Variants in HRH1 observed in about 807,000 individuals in gnomAD.
HRH1 encodes the protein histamine receptor H1.
Under a neutral mutation model 10.3 loss-of-function variants are expected in HRH1, and 6 were observed. The ratio of observed to expected loss-of-function variants is 0.58; its 90% CI spans 0.32 to 1.15. HRH1 has a LOEUF of 1.15. HRH1 is among the 50% of genes most tolerant of loss of function. The pLI, the probability that HRH1 is intolerant of heterozygous loss-of-function variation, is 0.05. For synonymous variants in HRH1, 242 were observed against 236.7 expected, an observed-to-expected ratio of 1.02 and a Z score of -0.21; for missense variants, 514 against 615.3, an observed-to-expected ratio of 0.84 and a Z score of 1.74.
chr3:11,228,816 C>T (rs561620172), intron 1 of HRH1, among the ~76,000 whole-genome samples: 4 of 150,922 alleles, frequency 2.7e-5, no homozygotes, highest in South Asian at 2.1e-4. Context: ...CGGGAGGCTG[C>T]GACAGGAGAA....
intron 1 of HRH1, among the ~76,000 whole-genome samples, chr3:11,155,247 C>T (rs1354179926): frequency 6.6e-6 from 1 of 152,166 alleles, no homozygotes; most frequent in East Asian, 1.9e-4. Context: ...GGCGGATCAC[C>T]TCCTCCTCGT....
chr3:11,160,312 C>A (rs2125008040), intron 1 of HRH1, among the ~76,000 whole-genome samples: 1 of 152,242 alleles, frequency 6.6e-6, no homozygotes, highest in South Asian at 2.1e-4. Flanking sequence ...TGGAATCTTG[C>A]CTCAGTCCTC....
At chr3:11,175,194 C>T (rs780024535) in intron 1 of HRH1, among the ~76,000 whole-genome samples, 12 of 152,182 alleles carry the variant, frequency 7.9e-5, no homozygotes, top group Non-Finnish European at 1.6e-4. Flanking sequence ...GCAGCTTCTG[C>T]TATTGAGCAC....
At chr3:11,254,252 T>C (rs1007154201) in intron 1 of HRH1, among the ~76,000 whole-genome samples, 32 of 152,218 alleles carry the variant, frequency 2.1e-4, no homozygotes, top group African/African-American at 7.7e-4. Context: ...CTAGAGATTT[T>C]TCACACTCTT....
At chr3:11,255,739 G>A (rs1003011080) in intron 1 of HRH1, among the ~76,000 whole-genome samples, 4 of 152,198 alleles carry the variant, frequency 2.6e-5, no homozygotes, top group Admixed American at 1.3e-4. Flanking sequence ...GAAGATAAGA[G>A]ACAGATGGTT....
chr3:11,210,033 G>T (rs373883144), intron 1 of HRH1, among the ~76,000 whole-genome samples: 1 of 152,210 alleles, frequency 6.6e-6, no homozygotes, highest in African/African-American at 2.4e-5. Context: ...AATGACTTAA[G>T]TTTGAATTCC....
intron 1 of HRH1, among the ~76,000 whole-genome samples, chr3:11,157,582 C>G (rs1936836929): frequency 6.6e-6 from 1 of 152,216 alleles, no homozygotes; most frequent in South Asian, 2.1e-4. Context: ...GACGCATACT[C>G]TTCGGGAGCA....
chr3:11,223,183 CAAAAAAAAA>C (rs58149660), intron 1 of HRH1, among the ~76,000 whole-genome samples: 31 of 26,784 alleles, frequency 1.2e-3, no homozygotes, highest in Non-Finnish European at 1.5e-3. Context: ...GACTTCGTCT[CAAAAAAAAA>C]AAAAAAAAAA....
chr3:11,178,387 A>G (rs1222915160), intron 1 of HRH1, among the ~76,000 whole-genome samples: 1 of 152,068 alleles, frequency 6.6e-6, no homozygotes. Flanking sequence ...CAGGCCCCTT[A>G]TTTCCCCGTT....
At chr3:11,234,383 T>G (rs1939118580) in intron 1 of HRH1, 4 of 1,604,038 alleles carry the variant, frequency 2.5e-6, no homozygotes, top group Admixed American at 1.7e-5. Flanking sequence ...GTCTGGGTAT[T>G]TCTGCAGGCA....
rs1939965108 is a variant in HRH1 at position 11,261,825 on chromosome 3, A to G, written c.*1324A>G. The G allele has an allele frequency of 1.2e-5, 2 of 161,772 alleles. No homozygotes were observed. The highest frequency in any genetic ancestry group is 4.2e-4 in the South Asian group (2 of 4,818). 10.0% of individuals were successfully genotyped at this position (161,772 alleles called of 1,614,324 possible). ...GCACTCCAGCCTGGGCAACAGAGCAAGACTCTGTCTCAAAAAAAAAAATAC... is the reference window on the plus strand; with the variant it reads ...GCACTCCAGCCTGGGCAACAGAGCAGGACTCTGTCTCAAAAAAAAAAATAC... On this transcript the variant is annotated 3_prime_UTR_variant, in exon 2 of 2. Transcript: ENST00000431010.
intron 1 of HRH1, among the ~76,000 whole-genome samples, chr3:11,247,210 T>C (rs1413273695): frequency 6.6e-6 from 1 of 151,970 alleles, no homozygotes; most frequent in African/African-American, 2.4e-5. Context: ...TAATCCCAGC[T>C]ACTTGGGAGG....
upstream of HRH1, among the ~76,000 whole-genome samples, chr3:11,151,002 C>T (rs944372212): frequency 6.6e-6 from 1 of 152,212 alleles, no homozygotes; most frequent in African/African-American, 2.4e-5. Flanking sequence ...CTAATAGCAC[C>T]TCGATTGTCT....
chr3:11,203,467 T>C (rs1938007442), intron 1 of HRH1, among the ~76,000 whole-genome samples: 1 of 152,230 alleles, frequency 6.6e-6, no homozygotes, highest in African/African-American at 2.4e-5. Context: ...CTGTGTTATC[T>C]TCTAGGAGTT....
chr3:11,165,468 T>G (rs1382981098), intron 1 of HRH1, among the ~76,000 whole-genome samples: 1 of 152,058 alleles, frequency 6.6e-6, no homozygotes, highest in Non-Finnish European at 1.5e-5. Context: ...ATTTAGGGGG[T>G]TTTTTTCCTC....
At chr3:11,139,502 A>C (rs981774571) in intron 1 of HRH1, among the ~76,000 whole-genome samples, 4 of 151,040 alleles carry the variant, frequency 2.6e-5, no homozygotes, top group Admixed American at 2.6e-4. Flanking sequence ...CTGATCTAGA[A>C]CTCCTGACCT....
intron 1 of HRH1, among the ~76,000 whole-genome samples, chr3:11,184,393 C>T (rs375014202): frequency 6.6e-6 from 1 of 152,110 alleles, no homozygotes; most frequent in Non-Finnish European, 1.5e-5. Flanking sequence ...GGAATCTGAA[C>T]GCAGGCGGTC....
In HRH1 at chr3:11,260,676, C is replaced by G. The variant is rs199865702; in HGVS notation, c.*175C>G. ...GGCACCATAGAAGAACAGCAGATGG[C>G]GGTGATCAGCAGAGAGATTGAACTT... On this transcript the variant is annotated 3_prime_UTR_variant, in exon 2 of 2. Coordinates refer to ENST00000431010, the MANE Select transcript of HRH1 (RefSeq NM_001098212.2). The G allele has an allele frequency of 1.2e-5, 7 of 592,664 alleles. No individual in the cohort carries two copies. In the South Asian group the frequency reaches 1.8e-4, roughly 15 times the overall value. 36.7% of individuals were successfully genotyped at this position (592,664 alleles called of 1,614,324 possible). A position where few individuals can be genotyped will look rare whatever the true frequency, so the allele number is the denominator to read the frequency against.
At chr3:11,196,529 C>T (rs942067682) in intron 1 of HRH1, among the ~76,000 whole-genome samples, 1 of 152,120 alleles carries the variant, frequency 6.6e-6, no homozygotes, top group Admixed American at 6.5e-5. Context: ...GATTTTTACT[C>T]ATCTACTCCT....
Sources: gnomAD v4.1 joint callset for allele counts (sites outside exome capture counted in the v4.1 genomes callset) on GRCh38, gnomAD v4.1.1 for gene constraint, MANE v1.5 for transcripts, NCBI Gene and HGNC (gene_info 2026-07-23, HGNC 2026-07-21) for gene names.